The following KCNH1 variants were observed in gnomAD, a reference collection of about 807,000 sequenced individuals.
KCNH1 encodes the protein voltage-gated delayed rectifier potassium channel KCNH1.
KCNH1 carries 27 observed loss-of-function variants against 69.2 expected under a neutral mutation model. The observed-to-expected ratio is 0.39, with a 90% CI of 0.29 to 0.54. The LOEUF is 0.54. Among genes scored for constraint, KCNH1 ranks in the 20% least tolerant of loss-of-function variants. The pLI is 0.68. For synonymous variants in KCNH1, 456 were observed against 487.7 expected (o/e 0.93, Z 0.86); for missense variants, 798 against 1,261.6 (o/e 0.63, Z 5.57).
chr1:211,015,222 G>A (rs1342251051), intron 6 of KCNH1, among the ~76,000 whole-genome samples: 1 of 152,182 alleles, frequency 6.6e-6, no homozygotes, highest in African/African-American at 2.4e-5. Context: ...GCCAAGCCAA[G>A]GAGTGAGCCA....
Position 211,015,557 on chromosome 1 carries a change from C to G in KCNH1, c.1032+3226G>C, listed in dbSNP as rs994237059. 1.3e-5 allele frequency among the ~76,000 whole-genome samples: 2 copies of G among 152,238 alleles called. 1 individual carries two copies. Among genetic ancestry groups the G allele is most frequent in the South Asian group, 4.1e-4 (2 of 4,822 alleles). ...CACCCCAATTACAAGAAAGAGGTCA[C>G]GGTGCTAGGACTCTTGTTCTTACAA... On this transcript the variant is annotated intron_variant, in intron 6 of 10. Coordinates refer to ENST00000271751, the MANE Select transcript of KCNH1 (RefSeq NM_172362.3).
At chr1:211,120,237 T>C (rs1691661802) in intron 1 of KCNH1, among the ~76,000 whole-genome samples, 1 of 151,668 alleles carries the variant, frequency 6.6e-6, no homozygotes, top group Non-Finnish European at 1.5e-5. Flanking sequence ...TCCCCCAGCA[T>C]GGAGTGCAAT....
chr1:211,097,716 A>G (rs747650708), intron 3 of KCNH1, among the ~76,000 whole-genome samples: 5 of 152,190 alleles, frequency 3.3e-5, no homozygotes, highest in Admixed American at 1.3e-4. Flanking sequence ...AGCCTACAGT[A>G]GGTAATCAAT....
At chr1:211,069,205 A>C (rs79207174) in intron 5 of KCNH1, among the ~76,000 whole-genome samples, 14,321 of 152,032 alleles carry the variant, frequency 0.094, 956 homozygotes, top group South Asian at 0.18. Flanking sequence ...AATGAAAAGA[A>C]CTCGTGAAAT....
At chr1:211,114,017 C>G (rs530054153) in intron 1 of KCNH1, among the ~76,000 whole-genome samples, 99 of 151,732 alleles carry the variant, frequency 6.5e-4, no homozygotes, top group African/African-American at 1.2e-3. Context: ...CACACACACA[C>G]AGAGAAAGAG....
chr1:210,844,699 C>T (rs1196620685), intron 7 of KCNH1, among the ~76,000 whole-genome samples: 8 of 152,098 alleles, frequency 5.3e-5, no homozygotes, highest in Non-Finnish European at 1.2e-4. Context: ...CATTCAAACG[C>T]TAGCAGAAGG....
chr1:210,757,350 G>T (rs1208426553), intron 10 of KCNH1, among the ~76,000 whole-genome samples: 1 of 152,178 alleles, frequency 6.6e-6, no homozygotes, highest in Non-Finnish European at 1.5e-5. Context: ...AAGGGACTGG[G>T]TTTCTCTTCT....
intron 7 of KCNH1, chr1:210,861,640 G>A (rs574560366): frequency 1.3e-6 from 1 of 770,896 alleles, no homozygotes; most frequent in Admixed American, 1.7e-5. Flanking sequence ...CTGAACAAGA[G>A]CATAGAGTAT....
At chr1:211,121,209 C>T (rs970636873) in intron 1 of KCNH1, among the ~76,000 whole-genome samples, 4 of 151,938 alleles carry the variant, frequency 2.6e-5, no homozygotes, top group Non-Finnish European at 5.9e-5. Flanking sequence ...CAAAGAAGAC[C>T]CTATATAGCC....
intron 10 of KCNH1, among the ~76,000 whole-genome samples, chr1:210,688,283 T>A (rs1299735889): frequency 6.6e-6 from 1 of 152,222 alleles, no homozygotes; most frequent in African/African-American, 2.4e-5. Flanking sequence ...TAACAGATGG[T>A]CAGTTGTTTC....
At chr1:210,751,173 C>T (rs183543944) in intron 10 of KCNH1, among the ~76,000 whole-genome samples, 1 of 152,086 alleles carries the variant, frequency 6.6e-6, no homozygotes, top group Admixed American at 6.5e-5. Context: ...GTGTAGGAAA[C>T]TGAGAGGGTC....
chr1:211,132,667 A>C (rs905814577), intron 1 of KCNH1: 4 of 152,126 alleles, frequency 2.6e-5, no homozygotes, highest in Non-Finnish European at 4.4e-5. Flanking sequence ...TCCAAACAGA[A>C]GCTCATCATT....
rs1354379632 is a variant in KCNH1 at position 210,734,689 on chromosome 1, C to A, written c.2112+40659G>T. ...TGCACCATGTATGGAAGATGCCACC[C>A]CCCTTGGCAGCAGGAGAAGAGTGAG... is the stretch of plus-strand genomic sequence containing the variant. On this transcript the variant is annotated intron_variant, in intron 10 of 10. Coordinates refer to ENST00000271751, the MANE Select transcript of KCNH1 (RefSeq NM_172362.3). Among the ~76,000 whole-genome samples the A allele has an allele frequency of 2.0e-5, 3 of 152,106 alleles. No homozygotes were observed. In the East Asian group the frequency reaches 5.8e-4, roughly 29 times the overall value.
At chr1:210,925,628 T>G (rs796729312) in intron 6 of KCNH1, among the ~76,000 whole-genome samples, 60 of 152,270 alleles carry the variant, frequency 3.9e-4, no homozygotes, top group African/African-American at 1.4e-3. Flanking sequence ...CCTGGTGACC[T>G]GTATGACTCA....
intron 6 of KCNH1, among the ~76,000 whole-genome samples, chr1:210,937,980 A>G (rs895869493): frequency 1.3e-5 from 2 of 152,268 alleles, no homozygotes; most frequent in African/African-American, 4.8e-5. Flanking sequence ...TGACCTGCAA[A>G]TCTACCTTTT....
Position 210,961,424 on chromosome 1 carries a change from C to T in KCNH1, c.1033-41355G>A, listed in dbSNP as rs1574363430. Among the ~76,000 whole-genome samples the T allele has an allele frequency of 2.6e-5, 4 of 152,194 alleles. No homozygotes were observed. The East Asian group carries it at 5.8e-4, about 22-fold the overall frequency. On this transcript the variant is annotated intron_variant, in intron 6 of 10. Coordinates refer to ENST00000271751, the MANE Select transcript of KCNH1 (RefSeq NM_172362.3). Reference sequence around the variant, plus strand: ...CTATTTTCTAATCCAGTATAAAACCCATTCGACATGTTTTTTCCTTTGTAA... The same window carrying T: ...CTATTTTCTAATCCAGTATAAAACCTATTCGACATGTTTTTTCCTTTGTAA...
intron 7 of KCNH1, among the ~76,000 whole-genome samples, chr1:210,917,251 G>GA (rs1227695037): frequency 3.4e-4 from 48 of 142,944 alleles, no homozygotes; most frequent in African/African-American, 1.2e-3. Flanking sequence ...AAGAAAGAAA[G>GA]AAAGAAAGAA....
intron 7 of KCNH1, among the ~76,000 whole-genome samples, chr1:210,821,966 T>A (rs2102427440): frequency 6.6e-6 from 1 of 152,102 alleles, no homozygotes; most frequent in Admixed American, 6.6e-5. Context: ...CCTCCTGAGT[T>A]CCTGGGGCTA....
intron 10 of KCNH1, among the ~76,000 whole-genome samples, chr1:210,731,999 A>G (rs1682757955): frequency 6.6e-6 from 1 of 152,064 alleles, no homozygotes; most frequent in South Asian, 2.1e-4. Context: ...CCTGAGGCCC[A>G]GTGTGCCACA....
Sources: allele counts gnomAD v4.1 joint callset (sites outside exome capture counted in the v4.1 genomes callset), GRCh38; gene constraint gnomAD v4.1.1; transcripts MANE v1.5; gene names NCBI Gene and HGNC (gene_info 2026-07-23, HGNC 2026-07-21).